KYAT3: variants seen among roughly 807,000 people sequenced by gnomAD.
The protein encoded by KYAT3 is kynurenine aminotransferase 3.
KYAT3 carries 50 observed loss-of-function variants against 59.0 expected under a neutral mutation model. That is an observed-to-expected ratio of 0.85 (90% CI 0.68 to 1.07). The LOEUF (loss-of-function observed/expected upper bound fraction) is 1.07, where lower values mean the gene tolerates loss of function less well. Among genes scored for constraint, KYAT3 ranks in the 50% least tolerant of loss-of-function variants. The probability of loss-of-function intolerance (pLI) is 0.00; values close to 1 mark genes in which losing one functional copy is unlikely to be tolerated. For missense variants in KYAT3, 497 were observed against 533.3 expected (o/e 0.93, Z 0.67); for synonymous variants, 148 against 177.0 (o/e 0.84, Z 1.30).
intron 11 of KYAT3, among the ~76,000 whole-genome samples, 189 bp downstream of exon 11, chr1:88,948,901 CA>C (rs1419623564): frequency 6.6e-6 from 1 of 152,128 alleles, no homozygotes; most frequent in African/African-American, 2.4e-5. Flanking sequence ...AACCATTTAA[CA>C]ATGGTCACAT....
chr1:88,945,029 A>C (rs1435636303), intron 11 of KYAT3, among the ~76,000 whole-genome samples: 1 of 152,060 alleles, frequency 6.6e-6, no homozygotes, highest in Non-Finnish European at 1.5e-5. Context: ...TTTTTAGTAG[A>C]GGTGGAATTT....
intron 1 of KYAT3, among the ~76,000 whole-genome samples, chr1:88,988,575 T>C (rs1397849010): frequency 6.6e-6 from 1 of 152,224 alleles, no homozygotes; most frequent in Non-Finnish European, 1.5e-5. Flanking sequence ...TATATTCACA[T>C]CATTTTAAAC....
chr1:88,944,346 A>C (rs1051187061), intron 11 of KYAT3, among the ~76,000 whole-genome samples: 2 of 152,234 alleles, frequency 1.3e-5, no homozygotes, highest in African/African-American at 4.8e-5. Flanking sequence ...AAAACCTTTG[A>C]CACTGAAGAA....
intron 11 of KYAT3, among the ~76,000 whole-genome samples, chr1:88,945,573 G>A (rs1675409590): frequency 6.6e-6 from 1 of 152,110 alleles, no homozygotes; most frequent in South Asian, 2.1e-4. Context: ...TATAGCTTTT[G>A]TGAGAATATA....
At chr1:88,988,129 A>C (rs1192875026) in intron 2 of KYAT3, 123 bp downstream of exon 2, 1 of 623,022 alleles carries the variant, frequency 1.6e-6, no homozygotes, top group African/African-American at 1.9e-5. Flanking sequence ...AGACACCTTC[A>C]GCATATGTAA....
At chr1:88,922,300 A>G in the KYAT3 span, among the ~76,000 whole-genome samples, 1 of 152,222 alleles carries the variant, frequency 6.6e-6, no homozygotes, top group Non-Finnish European at 1.5e-5. Context: ...AGACAATACC[A>G]TGCAGGGTAG....
At position 88,961,257 on chromosome 1, in the gene KYAT3, C is replaced by A. The variant is rs1201724583; in HGVS notation, c.697G>T (p.Ala233Ser). The change falls in exon 8 of 14, where the codon GCT becomes TCT. Residue 233 changes from alanine to serine, a missense_variant. Around this residue, in one of 2 missense-constraint regions of KYAT3, gnomAD observed 469 missense variants for 479.1 expected, o/e 0.98. Transcript: ENST00000260508. ...VYNREELQVI[A>S]DLCIKYDTLC... ...GTGTCATATTTGATGCAAAGGTCAG[C>A]AATTACTTGCAGTTCCTCTCTGTTA... The A allele has an allele frequency of 5.0e-6, 8 of 1,613,522 alleles. No homozygotes were observed. Among genetic ancestry groups the A allele is most frequent in the Non-Finnish European group, 6.8e-6 (8 of 1,179,900 alleles).
At chr1:88,949,597 G>A (rs1218144577) in intron 10 of KYAT3, among the ~76,000 whole-genome samples, 2 of 152,210 alleles carry the variant, frequency 1.3e-5, no homozygotes, top group African/African-American at 4.8e-5. Flanking sequence ...GTGAGTTGTA[G>A]AATGACTTGC....
At chr1:88,924,938 G>A in the KYAT3 span, among the ~76,000 whole-genome samples, 1 of 152,176 alleles carries the variant, frequency 6.6e-6, no homozygotes, top group East Asian at 1.9e-4. Flanking sequence ...GTGAGGCCAA[G>A]AACCCCAGAT....
intron 2 of KYAT3, chr1:88,982,877 C>G: frequency 6.2e-7 from 1 of 1,613,994 alleles, no homozygotes; most frequent in Non-Finnish European, 8.5e-7. Flanking sequence ...ATATCCATCA[C>G]GTGAGCTGCT....
At chr1:88,927,331 A>G in the KYAT3 span, among the ~76,000 whole-genome samples, 1 of 152,308 alleles carries the variant, frequency 6.6e-6, no homozygotes, top group East Asian at 1.9e-4. Flanking sequence ...CCTGGCCACA[A>G]TATCCTCTTC....
intron 13 of KYAT3, among the ~76,000 whole-genome samples, chr1:88,938,312 A>G (rs1002809248): frequency 1.3e-5 from 2 of 152,014 alleles, no homozygotes; most frequent in African/African-American, 4.8e-5. Context: ...TTCATTATAT[A>G]TTTTTCCAGA....
At chr1:88,947,761 C>T (rs918168246) in intron 11 of KYAT3, among the ~76,000 whole-genome samples, 3 of 152,138 alleles carry the variant, frequency 2.0e-5, no homozygotes, top group African/African-American at 7.2e-5. Flanking sequence ...TGATAATGAA[C>T]TATTACAAGT....
At chr1:88,927,786 T>C in the KYAT3 span, among the ~76,000 whole-genome samples, 16 of 152,318 alleles carry the variant, frequency 1.1e-4, no homozygotes, top group African/African-American at 2.6e-4. Context: ...GATGGCTATA[T>C]TGATGTTTTA....
chr1:88,951,303 C>T (rs1247525089), intron 10 of KYAT3, among the ~76,000 whole-genome samples: 4 of 151,268 alleles, frequency 2.6e-5, no homozygotes, highest in African/African-American at 7.3e-5. Flanking sequence ...GACACGATCT[C>T]AGCTCACTGC....
intron 11 of KYAT3, among the ~76,000 whole-genome samples, chr1:88,944,638 CAA>C (rs201271352): frequency 0.023 from 3,569 of 152,166 alleles, 64 homozygotes; most frequent in Middle Eastern, 0.041. Flanking sequence ...TTGGCCCTAA[CAA>C]AAATACCAGC....
At chr1:88,987,348 A>G (rs988766705) in intron 2 of KYAT3, among the ~76,000 whole-genome samples, 4 of 152,170 alleles carry the variant, frequency 2.6e-5, no homozygotes, top group African/African-American at 9.7e-5. Flanking sequence ...CGGTGGCATA[A>G]AGAGGAGAGA....
At chr1:88,952,243 G>C (rs925618694) in intron 10 of KYAT3, among the ~76,000 whole-genome samples, 4 of 152,192 alleles carry the variant, frequency 2.6e-5, no homozygotes, top group Non-Finnish European at 4.4e-5. Flanking sequence ...ATCGTCTGTA[G>C]ATGATAATGG....
At chr1:88,992,147 T>A (rs973592325) in intron 1 of KYAT3, among the ~76,000 whole-genome samples, 1 of 151,908 alleles carries the variant, frequency 6.6e-6, no homozygotes. Context: ...CCCGGCTAAT[T>A]TTTTGTATTT....
Sources: gnomAD v4.1 joint callset for allele counts (sites outside exome capture counted in the v4.1 genomes callset) on GRCh38, gnomAD v4.1.1 for gene constraint, gnomAD v4.1.1 regional missense constraint, MANE v1.5 for transcripts, NCBI Gene and HGNC (gene_info 2026-07-23, HGNC 2026-07-21) for gene names.